COG5: variants seen among roughly 807,000 people sequenced by gnomAD.
COG5 encodes the protein component of oligomeric golgi complex 5, also known as conserved oligomeric Golgi complex subunit 5.
Under a neutral mutation model 110.4 loss-of-function variants are expected in COG5, and 86 were observed. The observed-to-expected ratio is 0.78, with a 90% CI of 0.65 to 0.93. The LOEUF is 0.93. COG5 is among the 40% of genes least tolerant of loss of function. COG5 has a pLI of 0.00. For synonymous variants in COG5, 360 were observed against 334.6 expected (o/e 1.08, Z -0.83); for missense variants, 1,077 against 987.0 (o/e 1.09, Z -1.22).
At chr7:107,545,041 A>G (rs1166291702) in intron 5 of COG5, among the ~76,000 whole-genome samples, 1 of 152,196 alleles carries the variant, frequency 6.6e-6, no homozygotes, top group East Asian at 1.9e-4. Context: ...AATCACATAA[A>G]AGAATCAGTG....
intron 18 of COG5, among the ~76,000 whole-genome samples, chr7:107,234,051 C>T (rs973085253): frequency 1.3e-5 from 2 of 152,118 alleles, no homozygotes; most frequent in Non-Finnish European, 2.9e-5. Flanking sequence ...ATAGTGCCTC[C>T]GCCTGTCTTT....
At chr7:107,531,243 T>G (rs1801179833) in intron 5 of COG5, among the ~76,000 whole-genome samples, 1 of 152,208 alleles carries the variant, frequency 6.6e-6, no homozygotes, top group Admixed American at 6.5e-5. Flanking sequence ...CTCTATCTTC[T>G]ATATTACCTG....
At position 107,388,978 on chromosome 7, in the gene COG5, C is replaced by G. The variant is rs10268247; in HGVS notation, c.670-16218G>C. Among the ~76,000 whole-genome samples, 339 of 152,356 alleles carry G rather than the reference C, an allele frequency of 2.2e-3. 1 individual carries two copies. The highest frequency in any genetic ancestry group is 7.9e-3 in the African/African-American group (328 of 41,580). On this transcript the variant is annotated intron_variant, in intron 7 of 21. Transcript: ENST00000297135. ...GCTGAAACGAATTCTACTCCAGACA[C>G]AGACACCATTTACTCCAAATAATTT...
intron 8 of COG5, among the ~76,000 whole-genome samples, chr7:107,366,244 T>C (rs1813600932): frequency 6.6e-6 from 1 of 151,420 alleles, no homozygotes; most frequent in Non-Finnish European, 1.5e-5. Flanking sequence ...CAAGAGGAAA[T>C]AATACAAAAT....
intron 17 of COG5, among the ~76,000 whole-genome samples, chr7:107,239,927 T>C (rs1801483352): frequency 6.6e-6 from 1 of 152,210 alleles, no homozygotes; most frequent in Non-Finnish European, 1.5e-5. Flanking sequence ...AAGAAGTGAA[T>C]GTTAATCTTC....
chr7:107,229,176 C>T (rs1362737307), intron 19 of COG5, among the ~76,000 whole-genome samples: 4 of 152,108 alleles, frequency 2.6e-5, no homozygotes, highest in African/African-American at 7.2e-5. Context: ...TTCGGCTAGG[C>T]GCAGTGGCTC....
At chr7:107,427,906 A>C (rs1180700027) in intron 6 of COG5, among the ~76,000 whole-genome samples, 1 of 152,134 alleles carries the variant, frequency 6.6e-6, no homozygotes, top group African/African-American at 2.4e-5. Flanking sequence ...AGGGGATATG[A>C]GGGTGGTCCC....
chr7:107,507,981 T>A (rs542390378), intron 6 of COG5, among the ~76,000 whole-genome samples: 1 of 152,346 alleles, frequency 6.6e-6, no homozygotes, highest in South Asian at 2.1e-4. Context: ...TTTCTGCATT[T>A]CCATCTGAGG....
chr7:107,283,280 G>C lies in COG5; in HGVS notation c.1475+291C>G, dbSNP rs532921455. On this transcript the variant is annotated intron_variant, in intron 13 of 21. Transcript: ENST00000297135. Reference sequence around the variant, plus strand: ...TATTATATTTGATTTCTTGTGTAACGTAAGAAATTTACTATGATACAAAGA... The same window carrying C: ...TATTATATTTGATTTCTTGTGTAACCTAAGAAATTTACTATGATACAAAGA... Among the ~76,000 whole-genome samples, 87 of 152,174 alleles carry C rather than the reference G, an allele frequency of 5.7e-4. 1 individual carries two copies. The highest frequency in any genetic ancestry group is 1.4e-3 in the African/African-American group (57 of 41,534).
In COG5 at chr7:107,210,338, G is replaced by T. The variant is rs150750996; in HGVS notation, c.2375+188C>A. On this transcript the variant is annotated intron_variant, in intron 21 of 21. Transcript: ENST00000297135. ...AGGTTTGGAATGAAAGAAAGCAAAA[G>T]ATGTTGTGGCCAACATTTCCAACTG... 2.9e-4 allele frequency: 422 copies of T among 1,433,308 alleles called. 2 individuals carry two copies. The African/African-American group carries it at 5.3e-3, about 18-fold the overall frequency. 88.8% of individuals were successfully genotyped at this position (1,433,308 alleles called of 1,614,324 possible). A position where few individuals can be genotyped will look rare whatever the true frequency, so the allele number is the denominator to read the frequency against.
chr7:107,336,821 CAT>C (rs1289053291), intron 10 of COG5, among the ~76,000 whole-genome samples: 5 of 152,190 alleles, frequency 3.3e-5, no homozygotes, highest in Non-Finnish European at 7.3e-5. Flanking sequence ...CACTCACTTG[CAT>C]ATGCCACCTG....
chr7:107,263,581 G>A (rs541656550), intron 14 of COG5, among the ~76,000 whole-genome samples: 8 of 151,994 alleles, frequency 5.3e-5, no homozygotes, highest in South Asian at 2.1e-4. Context: ...ACACACACAC[G>A]TGCAGACACA....
intron 11 of COG5, among the ~76,000 whole-genome samples, chr7:107,298,859 A>G (rs150554868): frequency 6.6e-6 from 1 of 152,356 alleles, no homozygotes; most frequent in East Asian, 1.9e-4. Context: ...AAATAGTTTT[A>G]GATTAGAAAT....
intron 6 of COG5, among the ~76,000 whole-genome samples, chr7:107,463,589 C>T (rs1796130650): frequency 1.3e-5 from 2 of 152,192 alleles, no homozygotes; most frequent in Admixed American, 6.5e-5. Context: ...CAATAGTACA[C>T]TGAATAGGCC....
chr7:107,207,710 C>G, intron 21 of COG5: 1 of 948,774 alleles, frequency 1.1e-6, no homozygotes, highest in Non-Finnish European at 1.3e-6. Flanking sequence ...CTGATGCAGG[C>G]TGAACACATA....
At chr7:107,233,885 G>A (rs1584551271) in intron 18 of COG5, among the ~76,000 whole-genome samples, 1 of 151,908 alleles carries the variant, frequency 6.6e-6, no homozygotes, top group East Asian at 1.9e-4. Flanking sequence ...AAAAGCTGAG[G>A]TACAACAAAT....
chr7:107,384,229 C>T (rs890116269), intron 7 of COG5, among the ~76,000 whole-genome samples: 5 of 152,136 alleles, frequency 3.3e-5, no homozygotes, highest in African/African-American at 9.7e-5. Context: ...CCCAAAATAG[C>T]GCCCCCTGTC....
intron 10 of COG5, among the ~76,000 whole-genome samples, chr7:107,352,929 G>A (rs1346358467): frequency 2.0e-5 from 3 of 152,128 alleles, no homozygotes; most frequent in Admixed American, 1.3e-4. Context: ...GTTTTCCAAT[G>A]TGTGGATCCT....
intron 14 of COG5, among the ~76,000 whole-genome samples, chr7:107,272,613 G>A (rs1804369063): frequency 6.6e-6 from 1 of 152,040 alleles, no homozygotes; most frequent in Non-Finnish European, 1.5e-5. Context: ...CTTGCAAATG[G>A]AACTAAGTTT....
Sources: gnomAD v4.1 joint callset for allele counts (sites outside exome capture counted in the v4.1 genomes callset) on GRCh38, gnomAD v4.1.1 for gene constraint, MANE v1.5 for transcripts, NCBI Gene and HGNC (gene_info 2026-07-23, HGNC 2026-07-21) for gene names.